The following AKAP7 variants were observed in gnomAD, a reference collection of about 807,000 sequenced individuals.
AKAP7 encodes A kinase (PRKA) anchor protein 7.
AKAP7 carries 39 observed loss-of-function variants against 39.5 expected under a neutral mutation model. The ratio of observed to expected loss-of-function variants is 0.99; its 90% CI spans 0.76 to 1.29. The LOEUF (loss-of-function observed/expected upper bound fraction) is 1.29. Ranked by LOEUF, AKAP7 falls within the 50% of genes most tolerant of loss-of-function variation. AKAP7 has a pLI of 0.00. For missense variants in AKAP7, 414 were observed against 407.7 expected (o/e 1.02, Z -0.13); for synonymous variants, 140 against 139.1 (o/e 1.01, Z -0.05).
At chr6:131,164,327 A>T in intron 3 of AKAP7, 4 of 454,230 alleles carry the variant, frequency 8.8e-6, no homozygotes, top group Non-Finnish European at 1.8e-5. Context: ...ACTCACATTT[A>T]GAAGTTGACT....
At chr6:131,181,495 G>A (rs1309472065) in intron 5 of AKAP7, among the ~76,000 whole-genome samples, 4 of 152,054 alleles carry the variant, frequency 2.6e-5, no homozygotes, top group Admixed American at 1.3e-4. Context: ...ACAGTCTGCC[G>A]CTTTGCTTCC....
At chr6:131,266,649 C>T (rs930547995) in intron 7 of AKAP7, among the ~76,000 whole-genome samples, 1 of 151,806 alleles carries the variant, frequency 6.6e-6, no homozygotes. Context: ...GAAGCTAAAG[C>T]AATAAATTTA....
intron 6 of AKAP7, among the ~76,000 whole-genome samples, chr6:131,211,668 G>A (rs1454585359): frequency 6.6e-6 from 1 of 150,642 alleles, no homozygotes; most frequent in Non-Finnish European, 1.5e-5. Flanking sequence ...AGCTGCTTGG[G>A]AGGCTGAGGC....
At chr6:131,197,896 G>A (rs1326110876) in intron 5 of AKAP7, among the ~76,000 whole-genome samples, 2 of 152,302 alleles carry the variant, frequency 1.3e-5, no homozygotes, top group African/African-American at 2.4e-5. Context: ...CGAGCTGTGG[G>A]AGCCCACACT....
rs958057000 is a variant in AKAP7 at position 131,255,060 on chromosome 6, A to G, written c.851-26470A>G. Among the ~76,000 whole-genome samples, 7 of 152,186 alleles carry G rather than the reference A, an allele frequency of 4.6e-5. No individual in the cohort carries two copies. In the East Asian group the frequency reaches 5.8e-4, roughly 13 times the overall value. Reference sequence around the variant, plus strand: ...AGGACATCTATATTTAGATTTTCCAATTACCTAGAAGTCATCCTAGAAATC... The same window carrying G: ...AGGACATCTATATTTAGATTTTCCAGTTACCTAGAAGTCATCCTAGAAATC... On this transcript the variant is annotated intron_variant, in intron 7 of 7. Transcript: ENST00000431975.
At chr6:131,135,437 G>A (rs1306584496), upstream of AKAP7, among the ~76,000 whole-genome samples, 1 of 151,946 alleles carries the variant, frequency 6.6e-6, no homozygotes, top group Non-Finnish European at 1.5e-5. Flanking sequence ...CCCGAATCCG[G>A]GTACCACCGG....
At chr6:131,238,355 T>C (rs532145125) in intron 7 of AKAP7, among the ~76,000 whole-genome samples, 11 of 152,200 alleles carry the variant, frequency 7.2e-5, no homozygotes, top group Non-Finnish European at 1.6e-4. Flanking sequence ...ATACGTGTGG[T>C]GTGGTGCTGA....
chr6:131,273,941 T>C (rs1814520120), intron 7 of AKAP7, among the ~76,000 whole-genome samples: 1 of 132,222 alleles, frequency 7.6e-6, no homozygotes, highest in Non-Finnish European at 1.6e-5. Flanking sequence ...TTGCCTTTTC[T>C]TTTTTTTTTT....
At chr6:131,192,692 A>G (rs1246872123) in intron 5 of AKAP7, among the ~76,000 whole-genome samples, 3 of 152,194 alleles carry the variant, frequency 2.0e-5, no homozygotes, top group Non-Finnish European at 2.9e-5. Context: ...CATTTTAACA[A>G]CATTGATTCT....
At chr6:131,138,310 G>C (rs1298995814) in intron 1 of AKAP7, among the ~76,000 whole-genome samples, 1 of 152,104 alleles carries the variant, frequency 6.6e-6, no homozygotes, top group Non-Finnish European at 1.5e-5. Context: ...CTTTTGTATG[G>C]CTGAATAGTA....
intron 7 of AKAP7, among the ~76,000 whole-genome samples, chr6:131,266,068 C>G (rs868779373): frequency 1.1e-4 from 16 of 152,288 alleles, no homozygotes; most frequent in Middle Eastern, 6.8e-3. Context: ...CTCCAGAGAT[C>G]CCGGGAGGAG....
intron 7 of AKAP7, among the ~76,000 whole-genome samples, chr6:131,262,443 C>CT (rs1304818426): frequency 1.3e-5 from 2 of 152,092 alleles, no homozygotes; most frequent in African/African-American, 2.4e-5. Flanking sequence ...TTGGCAATAT[C>CT]TTTTTTCCCC....
At chr6:131,252,102 A>G (rs938289064) in intron 7 of AKAP7, among the ~76,000 whole-genome samples, 1 of 152,166 alleles carries the variant, frequency 6.6e-6, no homozygotes, top group African/African-American at 2.4e-5. Context: ...TGAAGACGTC[A>G]AGTTTCAACT....
intron 4 of AKAP7, 139 bp downstream of exon 4, chr6:131,165,356 C>T: frequency 1.7e-6 from 1 of 588,880 alleles, no homozygotes; most frequent in Middle Eastern, 4.7e-4. Flanking sequence ...AGTTAATATA[C>T]AGAATAAACT....
chr6:131,254,161 G>A (rs967513180), intron 7 of AKAP7, among the ~76,000 whole-genome samples: 2 of 152,168 alleles, frequency 1.3e-5, no homozygotes, highest in African/African-American at 2.4e-5. Flanking sequence ...AGAATACACT[G>A]CCAATAAATT....
rs144546746 is a variant in AKAP7 at position 131,170,367 on chromosome 6, G to GA, written c.589+1104dup. On this transcript the variant is annotated intron_variant, in intron 5 of 7. Coordinates refer to ENST00000431975, the MANE Select transcript of AKAP7 (RefSeq NM_016377.4). The stretch of plus-strand genomic sequence containing the variant: ...GAATAGAGCAGAATCTGGAAAAAAA[G>GA]AAAAAAAAAATAATAACCTAGGAAT... Among the ~76,000 whole-genome samples the GA allele has an allele frequency of 1.8e-4, 27 of 148,138 alleles. 1 individual carries two copies. Among genetic ancestry groups the GA allele is most frequent in the Admixed American group, 1.5e-3 (22 of 14,868 alleles).
chr6:131,202,239 A>G (rs1370390872), intron 6 of AKAP7, among the ~76,000 whole-genome samples: 34 of 148,426 alleles, frequency 2.3e-4, no homozygotes, highest in Non-Finnish European at 4.3e-4. Context: ...ATACCATTTG[A>G]CCCAGCCATC....
intron 7 of AKAP7, among the ~76,000 whole-genome samples, chr6:131,265,199 A>G (rs908943809): frequency 6.6e-6 from 1 of 152,044 alleles, no homozygotes; most frequent in Admixed American, 6.6e-5. Context: ...CAGTGGTGCA[A>G]TTTCGGCTCA....
rs1298877427 is a variant in AKAP7 at position 131,199,527 on chromosome 6, A to G, written c.656A>G (p.His219Arg). ...LVGESRSFKPHLTFMKLSKSP... is the reference protein window; with the variant it reads ...LVGESRSFKPRLTFMKLSKSP... ...GGAGAGAGCAGAAGTTTTAAACCTC[A>G]TTTGACCTTCATGAAGTTGTCAAAA... Residue 219 changes from histidine to arginine, a missense_variant, in exon 6 of 8, where the codon CAT becomes CGT. Physicochemically the swap from His to Arg is conservative, Grantham distance 29. Transcript: ENST00000431975. 6.2e-7 allele frequency: 1 copy of G among 1,612,010 alleles called. No homozygotes were observed. The highest frequency in any genetic ancestry group is 8.5e-7 in the Non-Finnish European group (1 of 1,178,330).
Sources: gnomAD v4.1 joint callset for allele counts (sites outside exome capture counted in the v4.1 genomes callset) on GRCh38, gnomAD v4.1.1 for gene constraint, MANE v1.5 for transcripts, NCBI Gene and HGNC (gene_info 2026-07-23, HGNC 2026-07-21) for gene names.